Variants in RNF220 observed in about 807,000 individuals in gnomAD.
RNF220 encodes ring finger protein 220, also known as E3 ubiquitin-protein ligase RNF220.
Under a neutral mutation model 67.1 loss-of-function variants are expected in RNF220, and 7 were observed. The ratio of observed to expected loss-of-function variants is 0.10; its 90% CI spans 0.06 to 0.20. The LOEUF is 0.20. Among genes scored for constraint, RNF220 ranks in the 10% least tolerant of loss-of-function variants. RNF220 has a pLI of 1.00. For synonymous variants in RNF220, 270 were observed against 283.2 expected, an observed-to-expected ratio of 0.95 and a Z score of 0.47; for missense variants, 565 against 740.3, an observed-to-expected ratio of 0.76 and a Z score of 2.75.
At chr1:44,495,602 A>G (rs920896155) in intron 2 of RNF220, among the ~76,000 whole-genome samples, 2 of 152,136 alleles carry the variant, frequency 1.3e-5, no homozygotes, top group Non-Finnish European at 2.9e-5. Context: ...TGTCCAGCTA[A>G]TTTTTGTATT....
chr1:44,574,809 T>C (rs1282722893), intron 2 of RNF220, among the ~76,000 whole-genome samples: 1 of 151,516 alleles, frequency 6.6e-6, no homozygotes, highest in African/African-American at 2.4e-5. Context: ...TGCTAACCCC[T>C]ATGGGATTGT....
intron 2 of RNF220, among the ~76,000 whole-genome samples, chr1:44,577,728 G>A (rs933705890): frequency 1.3e-5 from 2 of 152,270 alleles, no homozygotes; most frequent in Admixed American, 1.3e-4. Context: ...CACTGTGGGA[G>A]GCCGAGGCGG....
chr1:44,464,047 A>AG (rs1654043921), intron 2 of RNF220, among the ~76,000 whole-genome samples: 1 of 152,226 alleles, frequency 6.6e-6, no homozygotes, highest in Non-Finnish European at 1.5e-5. Flanking sequence ...ATAAGAAAGG[A>AG]GGGGGCATAC....
intron 2 of RNF220, among the ~76,000 whole-genome samples, chr1:44,458,677 G>A (rs181254999): frequency 2.2e-4 from 34 of 152,276 alleles, no homozygotes; most frequent in African/African-American, 8.2e-4. Context: ...AGAAACAACA[G>A]TTCTCTTTCT....
At chr1:44,486,424 A>T (rs1212658698) in intron 2 of RNF220, among the ~76,000 whole-genome samples, 2 of 152,166 alleles carry the variant, frequency 1.3e-5, no homozygotes, top group African/African-American at 4.8e-5. Context: ...CTTTCTTTTT[A>T]AAAATAACTT....
chr1:44,471,917 A>G (rs573738889), intron 2 of RNF220, among the ~76,000 whole-genome samples: 1 of 152,310 alleles, frequency 6.6e-6, no homozygotes, highest in Middle Eastern at 3.4e-3. Context: ...TCTGCTTACC[A>G]TCTCTGTGGA....
At chr1:44,488,340 G>A (rs956240390) in intron 2 of RNF220, among the ~76,000 whole-genome samples, 1 of 151,592 alleles carries the variant, frequency 6.6e-6, no homozygotes, top group Admixed American at 6.6e-5. Context: ...TGTTGGCCAG[G>A]CTGGTCTCGA....
At chr1:44,494,204 T>C (rs1572673237) in intron 2 of RNF220, among the ~76,000 whole-genome samples, 2 of 14,952 alleles carry the variant, frequency 1.3e-4, no homozygotes, top group Non-Finnish European at 1.8e-4. Flanking sequence ...AGAAACTCTG[T>C]CAAAAAAAAA....
chr1:44,552,716 A>G (rs1479099163), intron 2 of RNF220, among the ~76,000 whole-genome samples: 2 of 151,228 alleles, frequency 1.3e-5, no homozygotes, highest in Non-Finnish European at 3.0e-5. Context: ...GACTACGGGC[A>G]CCCGCCACCA....
rs1269072469 is a variant in RNF220, at chr1:44,651,060, G to A, written c.*285G>A. 3 of 465,670 alleles carry A rather than the reference G, an allele frequency of 6.4e-6. No homozygotes were observed. Among genetic ancestry groups the A allele is most frequent in the Admixed American group, 3.3e-5 (1 of 29,922 alleles). 28.8% of individuals were successfully genotyped at this position (465,670 alleles called of 1,614,324 possible). ...GGGCAGGGAGGTGGGGGTTGGGGGA[G>A]TAGTGGGGCACGGCTCCTAAGATCC... On this transcript the variant is annotated 3_prime_UTR_variant, in exon 15 of 15. Coordinates refer to ENST00000361799, the MANE Select transcript of RNF220 (RefSeq NM_018150.4).
chr1:44,584,314 A>C (rs1373390228), intron 2 of RNF220, among the ~76,000 whole-genome samples: 1 of 152,150 alleles, frequency 6.6e-6, no homozygotes, highest in African/African-American at 2.4e-5. Context: ...AGCTAGTCCA[A>C]CCCTAGCAGC....
At chr1:44,609,111 G>C (rs746040424) in intron 2 of RNF220, among the ~76,000 whole-genome samples, 12 of 152,148 alleles carry the variant, frequency 7.9e-5, no homozygotes, top group Non-Finnish European at 1.6e-4. Flanking sequence ...TGAAGTTCCT[G>C]TTTCTTGGTC....
chr1:44,506,651 G>A (rs1409538946), intron 2 of RNF220, among the ~76,000 whole-genome samples: 5 of 152,204 alleles, frequency 3.3e-5, no homozygotes, highest in South Asian at 2.1e-4. Flanking sequence ...CTCCCAAAAC[G>A]GGCGCTCTGA....
chr1:44,546,858 A>G (rs1662199847), intron 2 of RNF220, among the ~76,000 whole-genome samples: 1 of 152,132 alleles, frequency 6.6e-6, no homozygotes, highest in Admixed American at 6.5e-5. Context: ...GGACAACTGC[A>G]TTGCTACAGC....
intron 2 of RNF220, among the ~76,000 whole-genome samples, chr1:44,508,712 C>T (rs1011791114): frequency 6.6e-6 from 1 of 152,178 alleles, no homozygotes; most frequent in African/African-American, 2.4e-5. Flanking sequence ...TCTTCCTCAC[C>T]CCTCTCTGAT....
At chr1:44,575,993 C>T (rs1336349956) in intron 2 of RNF220, among the ~76,000 whole-genome samples, 1 of 152,238 alleles carries the variant, frequency 6.6e-6, no homozygotes, top group Non-Finnish European at 1.5e-5. Context: ...TGCCCTTGAG[C>T]AACTGCCAGT....
At chr1:44,415,130 G>C (rs1162393117) in intron 2 of RNF220, among the ~76,000 whole-genome samples, 3 of 150,362 alleles carry the variant, frequency 2.0e-5, no homozygotes, top group African/African-American at 7.4e-5. Context: ...CTGTAAGGAA[G>C]GGTTGAAGAG....
intron 2 of RNF220, among the ~76,000 whole-genome samples, chr1:44,572,669 G>A (rs1350278014): frequency 6.6e-6 from 1 of 150,798 alleles, no homozygotes; most frequent in Non-Finnish European, 1.5e-5. Flanking sequence ...TCCCAGGCAG[G>A]TCTTCTCTGG....
intron 2 of RNF220, among the ~76,000 whole-genome samples, chr1:44,507,874 T>G (rs56810307): frequency 6.8e-6 from 1 of 147,912 alleles, no homozygotes; most frequent in Non-Finnish European, 1.5e-5. Flanking sequence ...TGCCCCCCCC[T>G]CACCACACTC....
Sources: allele counts gnomAD v4.1 joint callset (sites outside exome capture counted in the v4.1 genomes callset), GRCh38; gene constraint gnomAD v4.1.1; transcripts MANE v1.5; gene names NCBI Gene and HGNC (gene_info 2026-07-23, HGNC 2026-07-21).